The following SYT12 variants were observed in gnomAD, a reference collection of about 807,000 sequenced individuals.
SYT12 encodes synaptotagmin 12.
In SYT12, 27 loss-of-function variants were observed where a neutral mutation model predicts 39.5. That is an observed-to-expected ratio of 0.68 (90% CI 0.50 to 0.94). SYT12 has a LOEUF of 0.94. Among genes scored for constraint, SYT12 ranks in the 40% least tolerant of loss-of-function variants. SYT12 has a pLI of 0.00. For synonymous variants in SYT12, 233 were observed against 239.7 expected, an observed-to-expected ratio of 0.97 and a Z score of 0.26; for missense variants, 536 against 572.6, an observed-to-expected ratio of 0.94 and a Z score of 0.65.
chr11:67,030,071 G>C (rs910598159), intron 1 of SYT12, 51 bp from the exon 2 acceptor site: 28 of 1,582,424 alleles, frequency 1.8e-5, no homozygotes, highest in Non-Finnish European at 2.3e-5. Context: ...ACCTAGGAGC[G>C]GGACGCTGAC....
chr11:67,016,317 G>C (rs1410975316), intron 3 of SYT12, among the ~76,000 whole-genome samples: 3 of 152,042 alleles, frequency 2.0e-5, no homozygotes, highest in Non-Finnish European at 4.4e-5. Context: ...AAGATGTTGC[G>C]GGAGGGAAGT....
chr11:67,020,859 G>T (rs1950102713), upstream of SYT12, among the ~76,000 whole-genome samples: 1 of 152,158 alleles, frequency 6.6e-6, no homozygotes, highest in African/African-American at 2.4e-5. Context: ...CTCCCGAGTA[G>T]CTGGGATTAT....
chr11:67,017,614 C>T (rs984345685), intron 3 of SYT12, among the ~76,000 whole-genome samples: 10 of 151,154 alleles, frequency 6.6e-5, no homozygotes, highest in African/African-American at 2.2e-4. Flanking sequence ...CCTGCCTCAG[C>T]CTCCCAGAGT....
chr11:67,048,438 T>C (rs1304429057), intron 7 of SYT12, 146 bp from the exon 8 acceptor site: 2 of 784,250 alleles, frequency 2.6e-6, no homozygotes, highest in Non-Finnish European at 3.9e-6. Flanking sequence ...GGGGCAAGTC[T>C]CCTCACCTCT....
rs576627943 is a variant in SYT12, at chr11:67,046,463, G to C, written c.1092+586G>C. Among the ~76,000 whole-genome samples, 5 of 152,316 alleles carry C rather than the reference G, an allele frequency of 3.3e-5. No homozygotes were observed. The East Asian group carries it at 9.7e-4, about 29-fold the overall frequency. ...AGCCCTCCTCGGCACTCCTGACAAT[G>C]AGAAAGTCCTTTGTGCCTTGAGCCA... On this transcript the variant is annotated intron_variant, in intron 7 of 7. Coordinates refer to ENST00000527043, the MANE Select transcript of SYT12 (RefSeq NM_177963.4).
chr11:67,034,661 T>G lies in SYT12; in HGVS notation c.51T>G (p.Pro17=). 1 of 1,594,782 alleles carries G rather than the reference T, an allele frequency of 6.3e-7. No individual in the cohort carries two copies. The highest frequency in any genetic ancestry group is 8.5e-7 in the Non-Finnish European group (1 of 1,172,490). The change falls in exon 3 of 8, where the codon CCT becomes CCG. Residue 17 remains proline, a synonymous_variant. Transcript: ENST00000527043. ...EYHLSVIKSP[P]GWEVGVYAAG... ...GCCTTGCAGTCATCAAGAGCCCCCC[T>G]GGCTGGGAGGTGGGTGTCTATGCTG...
At chr11:67,042,314 C>T (rs1176491340) in intron 4 of SYT12, among the ~76,000 whole-genome samples, 2 of 152,130 alleles carry the variant, frequency 1.3e-5, no homozygotes, top group African/African-American at 2.4e-5. Context: ...GAGCTCCTGT[C>T]GTGCCCAGCC....
At chr11:67,014,795 T>C (rs1373907069) in intron 3 of SYT12, among the ~76,000 whole-genome samples, 2 of 152,100 alleles carry the variant, frequency 1.3e-5, no homozygotes, top group Non-Finnish European at 2.9e-5. Flanking sequence ...CCCACAAACC[T>C]GGCCAGGTTC....
At chr11:67,041,981 G>A (rs1467653434) in intron 4 of SYT12, among the ~76,000 whole-genome samples, 1 of 152,200 alleles carries the variant, frequency 6.6e-6, no homozygotes, top group Non-Finnish European at 1.5e-5. Flanking sequence ...AGCCACATCT[G>A]GGCTGAAGGG....
chr11:67,030,297 C>A, intron 2 of SYT12, 119 bp downstream of exon 2: 1 of 1,195,828 alleles, frequency 8.4e-7, no homozygotes, highest in Non-Finnish European at 1.2e-6. Context: ...TCTTCACTGT[C>A]AAGGACAGTC....
intron 3 of SYT12, among the ~76,000 whole-genome samples, chr11:67,016,900 A>G (rs1950063255): frequency 6.6e-6 from 1 of 152,232 alleles, no homozygotes; most frequent in Admixed American, 6.5e-5. Flanking sequence ...CTGCCTCAAC[A>G]GCACCAGCGC....
chr11:67,012,005 C>G (rs1950016532), intron 3 of SYT12, among the ~76,000 whole-genome samples: 1 of 151,138 alleles, frequency 6.6e-6, no homozygotes, highest in Non-Finnish European at 1.5e-5. Flanking sequence ...CCTTGTGATC[C>G]ACCCACCTCG....
chr11:67,010,878 G>T (rs973194076), exon 3 of SYT12: 10 of 152,180 alleles, frequency 6.6e-5, no homozygotes, highest in Non-Finnish European at 1.5e-4. Flanking sequence ...GAATTTTGGG[G>T]TCAGAGCCGT....
intron 4 of SYT12, among the ~76,000 whole-genome samples, chr11:67,043,372 G>A (rs1590652044): frequency 6.6e-6 from 1 of 152,206 alleles, no homozygotes; most frequent in East Asian, 1.9e-4. Flanking sequence ...GGGTTCTGGG[G>A]TGCCACGGGC....
intron 3 of SYT12, among the ~76,000 whole-genome samples, chr11:67,017,082 C>T (rs1048131286): frequency 6.6e-6 from 1 of 152,296 alleles, no homozygotes; most frequent in African/African-American, 2.4e-5. Context: ...TTTAATCGTC[C>T]TCCAACCTCA....
At chr11:67,046,077 A>T (rs1464111027) in intron 7 of SYT12, among the ~76,000 whole-genome samples, 200 bp downstream of exon 7, 1 of 151,870 alleles carries the variant, frequency 6.6e-6, no homozygotes, top group Non-Finnish European at 1.5e-5. Context: ...CTCGGTGCTC[A>T]CAAGGGACAG....
chr11:67,048,078 AC>A (rs1245316584), intron 7 of SYT12, among the ~76,000 whole-genome samples: 1 of 149,268 alleles, frequency 6.7e-6, no homozygotes, highest in African/African-American at 2.5e-5. Context: ...GGCGTGAGCC[AC>A]CGTGCCCGGC....
chr11:67,020,324 G>C (rs1217650595), upstream of SYT12, among the ~76,000 whole-genome samples: 1 of 152,218 alleles, frequency 6.6e-6, no homozygotes, highest in Non-Finnish European at 1.5e-5. Context: ...GAGCTCAGCA[G>C]GTGACAGGGA....
chr11:67,031,876 C>T (rs1950273317), intron 2 of SYT12: 1 of 152,286 alleles, frequency 6.6e-6, no homozygotes, highest in South Asian at 2.1e-4. Flanking sequence ...CTCTAGCCAA[C>T]CCCCGGCTAC....
Sources: gnomAD v4.1 joint callset for allele counts (sites outside exome capture counted in the v4.1 genomes callset) on GRCh38, gnomAD v4.1.1 for gene constraint, MANE v1.5 for transcripts, NCBI Gene and HGNC (gene_info 2026-07-23, HGNC 2026-07-21) for gene names.